ABCC9: variants seen among roughly 807,000 people sequenced by gnomAD.
ABCC9 encodes ATP binding cassette subfamily C member 9.
In ABCC9, 95 loss-of-function variants were observed where a neutral mutation model predicts 188.3. The ratio of observed to expected loss-of-function variants is 0.50; its 90% CI spans 0.43 to 0.60. The LOEUF (loss-of-function observed/expected upper bound fraction) is 0.60, where lower values mean the gene tolerates loss of function less well. ABCC9 is among the 20% of genes least tolerant of loss of function. The pLI is 0.00. For synonymous variants in ABCC9, 659 were observed against 652.7 expected (o/e 1.01, Z -0.15); for missense variants, 1,102 against 1,876.3 (o/e 0.59, Z 7.62).
intron 4 of ABCC9, among the ~76,000 whole-genome samples, chr12:21,927,677 T>C (rs760232047): frequency 2.0e-5 from 3 of 152,118 alleles, no homozygotes; most frequent in Admixed American, 6.5e-5. Flanking sequence ...ATTTATGGAT[T>C]GTGAAGGTGT....
intron 16 of ABCC9, among the ~76,000 whole-genome samples, chr12:21,881,703 G>GAAA (rs1468101016): frequency 1.6e-5 from 1 of 64,426 alleles, no homozygotes; most frequent in South Asian, 8.3e-4. Flanking sequence ...ATCGCCTAGG[G>GAAA]AACAACACAC....
intron 4 of ABCC9, among the ~76,000 whole-genome samples, chr12:21,931,813 T>TA (rs1949301169): frequency 6.6e-6 from 1 of 152,172 alleles, no homozygotes; most frequent in South Asian, 2.1e-4. Context: ...TTTTAAACAG[T>TA]TACCAACAAG....
chr12:21,853,147 C>T (rs892402175), intron 22 of ABCC9, among the ~76,000 whole-genome samples: 1 of 151,890 alleles, frequency 6.6e-6, no homozygotes, highest in African/African-American at 2.4e-5. Flanking sequence ...AAGCCCTGTC[C>T]TACTAAAAAC....
chr12:21,838,766 G>A lies in ABCC9; in HGVS notation c.3474-596C>T, dbSNP rs1015924825. On this transcript the variant is annotated intron_variant, in intron 29 of 39. Coordinates refer to ENST00000261200, the MANE Select transcript of ABCC9 (RefSeq NM_020297.4). The stretch of plus-strand genomic sequence containing the variant: ...TAAGGTAATCTGGCCAGGTGCGGTG[G>A]CTCATACCTGTAATCCCAGCACTTT... Among the ~76,000 whole-genome samples the A allele has an allele frequency of 2.1e-4, 32 of 152,142 alleles. 1 individual carries two copies. Among genetic ancestry groups the A allele is most frequent in the African/African-American group, 7.5e-4 (31 of 41,420 alleles).
chr12:21,900,294 C>T (rs946050135), intron 12 of ABCC9, among the ~76,000 whole-genome samples: 19 of 152,096 alleles, frequency 1.2e-4, no homozygotes, highest in African/African-American at 4.6e-4. Context: ...ACATCCACAC[C>T]AAAACCCCAT....
intron 8 of ABCC9, among the ~76,000 whole-genome samples, chr12:21,912,239 A>G (rs188945594): frequency 2.6e-5 from 4 of 152,174 alleles, no homozygotes; most frequent in Admixed American, 2.6e-4. Context: ...TATATGTAGA[A>G]CTACAAAAAT....
chr12:21,822,334 T>G (rs1289486716), intron 31 of ABCC9, among the ~76,000 whole-genome samples: 1 of 151,864 alleles, frequency 6.6e-6, no homozygotes, highest in Non-Finnish European at 1.5e-5. Context: ...TTTTCTAAAG[T>G]ACTGGAAATA....
At chr12:21,926,100 G>C in intron 4 of ABCC9, 37 bp from the exon 5 acceptor site, 1 of 1,613,356 alleles carries the variant, frequency 6.2e-7, no homozygotes, top group Non-Finnish European at 8.5e-7. Context: ...AAAGCTGATG[G>C]TTCCAGATAA....
chr12:21,809,899 TCTAAGG>T lies in ABCC9; in HGVS notation c.4262_4267del (p.Ala1421_Leu1422del), dbSNP rs1942113178. The T allele has an allele frequency of 6.2e-7, 1 of 1,612,832 alleles. No homozygotes were observed. On this transcript the variant is annotated inframe_deletion, in exon 37 of 40. Coordinates refer to ENST00000261200, the MANE Select transcript of ABCC9 (RefSeq NM_020297.4). ...GACCATATTCTTCAGCTGAGCAATT[TCTAAGG>T]CTTCCCAGAGTCTGTCATCTGTGCA...
rs959463674 is a variant in ABCC9, at chr12:21,799,803, G to T, written c.*1241C>A. ...ATGATATTGACACTGGATGGGCACA[G>T]AATAGTAGAAACTGGTTGCTAACGT... On this transcript the variant is annotated 3_prime_UTR_variant, in exon 40 of 40. Coordinates refer to ENST00000261200, the MANE Select transcript of ABCC9 (RefSeq NM_020297.4). The T allele has an allele frequency of 1.1e-4, 16 of 152,188 alleles. No individual in the cohort carries two copies. The highest frequency in any genetic ancestry group is 3.9e-4 in the African/African-American group (16 of 41,456). 9.4% of individuals were successfully genotyped at this position (152,188 alleles called of 1,614,324 possible).
chr12:21,894,061 C>A lies in ABCC9; in HGVS notation c.1773G>T (p.Val591=). Residue 591 remains valine (V), a synonymous_variant, in exon 14 of 40, where the codon GTG becomes GTT. Transcript: ENST00000261200. The part of the protein sequence containing the change: ...LVTPLFLLST[V]VRFAVKAIIS... ...TGATGGCTTTGACTGCAAATCTGACCACCGTGGAGAGCAGGAACAGTGGTG... is the reference window on the plus strand; with the variant it reads ...TGATGGCTTTGACTGCAAATCTGACAACCGTGGAGAGCAGGAACAGTGGTG... The A allele has an allele frequency of 6.2e-7, 1 of 1,613,980 alleles. No individual in the cohort carries two copies. Among genetic ancestry groups the A allele is most frequent in the Non-Finnish European group, 8.5e-7 (1 of 1,180,000 alleles).
chr12:21,852,159 CT>C lies in ABCC9; in HGVS notation c.2706del (p.Asp903MetfsTer12), dbSNP rs761025138. Reference protein sequence around the residue: ...REGTLKDIQTKDVELYEHWKT... With the variant: ...REGTLKDIQTXDVELYEHWKT... Reference sequence around the variant, plus strand: ...TTCCAGTGTTCATAAAGCTCAACATCTTTGGTTTGAATGTCCTTCAAAGTTC... The same window carrying C: ...TTCCAGTGTTCATAAAGCTCAACATCTTGGTTTGAATGTCCTTCAAAGTTC... On this transcript the variant is annotated frameshift_variant, in exon 24 of 40. Coordinates refer to ENST00000261200, the MANE Select transcript of ABCC9 (RefSeq NM_020297.4). LOFTEE classifies it high-confidence loss of function. The C allele has an allele frequency of 6.2e-7, 1 of 1,613,636 alleles. No homozygotes were observed.
At chr12:21,912,753 A>G in intron 8 of ABCC9, 119 bp downstream of exon 8, 1 of 885,910 alleles carries the variant, frequency 1.1e-6, no homozygotes, top group Non-Finnish European at 1.6e-6. Flanking sequence ...TTTAGAAAGC[A>G]TTCAATTCTC....
At chr12:21,848,467 G>A (rs1208655063) in intron 24 of ABCC9, among the ~76,000 whole-genome samples, 3 of 152,116 alleles carry the variant, frequency 2.0e-5, no homozygotes, top group African/African-American at 4.8e-5. Context: ...AGCAGCACAC[G>A]AGACCAGGAA....
chr12:21,804,388 G>T (rs930886814), intron 39 of ABCC9, among the ~76,000 whole-genome samples: 8 of 152,106 alleles, frequency 5.3e-5, no homozygotes, highest in African/African-American at 1.9e-4. Flanking sequence ...ATAGGCAATG[G>T]TCTGTTTTCT....
chr12:21,816,082 G>GTTTTTTTTTTTTTT (rs1325095522), intron 33 of ABCC9, among the ~76,000 whole-genome samples, 189 bp from the exon 34 acceptor site: 195 of 57,212 alleles, frequency 3.4e-3, no homozygotes, highest in Non-Finnish European at 4.0e-3. Context: ...TTTTTTTTTA[G>GTTTTTTTTTTTTTT]TTTAAATCAC....
intron 14 of ABCC9, 36 bp downstream of exon 14, chr12:21,893,990 TATTATC>T (rs1342290452): frequency 2.0e-5 from 32 of 1,606,408 alleles, no homozygotes; most frequent in Non-Finnish European, 2.7e-5. Context: ...ACGTCATTTC[TATTATC>T]AATAAGCAAA....
rs1285962743 is a variant in ABCC9, at chr12:21,797,733, C to T, written c.*3311G>A. Reference sequence around the variant, plus strand: ...GAGCTGAGTAGACTTTTAAATGGATCATGAGTAAGAGTACAAAAATAGATG... The same window carrying T: ...GAGCTGAGTAGACTTTTAAATGGATTATGAGTAAGAGTACAAAAATAGATG... On this transcript the variant is annotated 3_prime_UTR_variant, in exon 40 of 40. Coordinates refer to ENST00000261200, the MANE Select transcript of ABCC9 (RefSeq NM_020297.4). The T allele has an allele frequency of 6.6e-6, 1 of 152,112 alleles. No homozygotes were observed. Among genetic ancestry groups the T allele is most frequent in the Non-Finnish European group, 1.5e-5 (1 of 68,006 alleles). The allele number at this position is 152,112 out of a possible 1,614,324, so 9.4% of individuals were successfully genotyped here.
At chr12:21,902,589 C>T (rs1218520077) in intron 12 of ABCC9, among the ~76,000 whole-genome samples, 2 of 151,996 alleles carry the variant, frequency 1.3e-5, no homozygotes, top group Non-Finnish European at 2.9e-5. Context: ...CAAATAGACG[C>T]AAAAATAATG....
Sources: allele counts gnomAD v4.1 joint callset (sites outside exome capture counted in the v4.1 genomes callset), GRCh38; gene constraint gnomAD v4.1.1; transcripts MANE v1.5; gene names NCBI Gene and HGNC (gene_info 2026-07-23, HGNC 2026-07-21).